PXDNL: variants seen among roughly 807,000 people sequenced by gnomAD.
PXDNL encodes probable oxidoreductase PXDNL.
A neutral mutation model predicts 150.8 loss-of-function variants in PXDNL; 145 were observed. The ratio of observed to expected loss-of-function variants is 0.96; its 90% CI spans 0.84 to 1.10. The LOEUF (loss-of-function observed/expected upper bound fraction) is 1.10. PXDNL is among the 50% of genes least tolerant of loss of function. The pLI, the probability that PXDNL is intolerant of heterozygous loss-of-function variation, is 0.00. For missense variants in PXDNL, 2,087 were observed against 1,873.9 expected (o/e 1.11, Z -2.10); for synonymous variants, 757 against 725.7 (o/e 1.04, Z -0.69).
intron 3 of PXDNL, among the ~76,000 whole-genome samples, chr8:51,568,942 CT>C (rs1416993644): frequency 1.3e-5 from 2 of 151,806 alleles, no homozygotes; most frequent in Admixed American, 1.3e-4. Context: ...CTAGAATTTC[CT>C]TTTCATTCTT....
intron 19 of PXDNL, among the ~76,000 whole-genome samples, chr8:51,369,335 G>A (rs994900846): frequency 7.9e-5 from 12 of 152,196 alleles, no homozygotes; most frequent in Non-Finnish European, 1.8e-4. Context: ...AGATCTGAAT[G>A]TTCCAGCAGG....
At chr8:51,688,912 C>T (rs1222864184) in intron 1 of PXDNL, among the ~76,000 whole-genome samples, 2 of 152,228 alleles carry the variant, frequency 1.3e-5, no homozygotes, top group Non-Finnish European at 2.9e-5. Flanking sequence ...CAGAAATCCT[C>T]GTAACCCACC....
chr8:51,467,530 T>C (rs900117092), intron 8 of PXDNL, among the ~76,000 whole-genome samples: 1 of 152,048 alleles, frequency 6.6e-6, no homozygotes, highest in African/African-American at 2.4e-5. Flanking sequence ...TGCTCACTTC[T>C]TGGGTAGTGG....
intron 1 of PXDNL, among the ~76,000 whole-genome samples, chr8:51,768,325 CAA>C (rs2037254339): frequency 1.3e-5 from 2 of 151,454 alleles, no homozygotes; most frequent in South Asian, 4.2e-4. Context: ...TCTGCCATTC[CAA>C]AAGTGTTTCC....
At chr8:51,643,440 G>A (rs919223780) in intron 2 of PXDNL, among the ~76,000 whole-genome samples, 2 of 152,136 alleles carry the variant, frequency 1.3e-5, no homozygotes, top group Non-Finnish European at 2.9e-5. Context: ...CAAGCAATGG[G>A]GAAATGATTC....
chr8:51,547,793 A>T (rs113123606), intron 4 of PXDNL, among the ~76,000 whole-genome samples: 33 of 152,354 alleles, frequency 2.2e-4, no homozygotes, highest in African/African-American at 7.7e-4. Context: ...GTTCTACAAC[A>T]TCCCCAAAAG....
chr8:51,565,953 A>G (rs1389628019), intron 3 of PXDNL, among the ~76,000 whole-genome samples: 1 of 151,582 alleles, frequency 6.6e-6, no homozygotes, highest in Admixed American at 6.6e-5. Flanking sequence ...TTTTTTTTGG[A>G]TCTTCTTTAT....
chr8:51,655,600 A>G (rs926768585), intron 1 of PXDNL, among the ~76,000 whole-genome samples: 5 of 152,192 alleles, frequency 3.3e-5, no homozygotes, highest in African/African-American at 1.2e-4. Flanking sequence ...TATGGTAAAG[A>G]CGTCAAGCAG....
chr8:51,531,335 T>C (rs950928089), intron 4 of PXDNL, among the ~76,000 whole-genome samples: 2 of 152,194 alleles, frequency 1.3e-5, no homozygotes, highest in Non-Finnish European at 2.9e-5. Flanking sequence ...GAGTCTTTGC[T>C]TGCTTGCTTG....
chr8:51,319,996 C>A lies in PXDNL; in HGVS notation c.4287G>T (p.Glu1429Asp). 1 of 1,563,274 alleles carries A rather than the reference C, an allele frequency of 6.4e-7. No individual in the cohort carries two copies. Among genetic ancestry groups the A allele is most frequent in the Non-Finnish European group, 8.7e-7 (1 of 1,155,610 alleles). ...CESGQVTCVVEICPPAPCPSP... is the reference protein window; with the variant it reads ...CESGQVTCVVDICPPAPCPSP... ...TGGGACAGGGAGCCGGGGGACAAAT[C>A]TCCACCACACAGGTGACCTGGCCAC... Residue 1429 changes from glutamate to aspartate, a missense_variant, in exon 23 of 23, where the codon GAG (glutamate) becomes GAT (aspartate). Transcript: ENST00000356297.
chr8:51,361,294 C>G (rs1032080194), intron 19 of PXDNL, among the ~76,000 whole-genome samples: 2 of 152,120 alleles, frequency 1.3e-5, no homozygotes, highest in Admixed American at 6.5e-5. Context: ...CCCAGTCAGA[C>G]AGAAACTGAT....
At chr8:51,801,538 G>A (rs1392470497) in intron 1 of PXDNL, among the ~76,000 whole-genome samples, 2 of 152,212 alleles carry the variant, frequency 1.3e-5, no homozygotes, top group South Asian at 2.1e-4. Flanking sequence ...CTACTGATAT[G>A]TGATGTCACC....
At chr8:51,464,680 G>A (rs1452123545) in intron 8 of PXDNL, among the ~76,000 whole-genome samples, 3 of 152,014 alleles carry the variant, frequency 2.0e-5, no homozygotes, top group African/African-American at 7.3e-5. Flanking sequence ...CTGATACATG[G>A]GCACAGGGAG....
At chr8:51,525,791 G>C (rs1054732967) in intron 4 of PXDNL, among the ~76,000 whole-genome samples, 2 of 152,160 alleles carry the variant, frequency 1.3e-5, no homozygotes, top group Non-Finnish European at 1.5e-5. Context: ...ATGGCAAGCA[G>C]ACAGCAGGAC....
chr8:51,608,042 A>AAGC (rs1813890901), intron 2 of PXDNL, among the ~76,000 whole-genome samples: 2 of 133,076 alleles, frequency 1.5e-5, no homozygotes, highest in South Asian at 2.4e-4. Context: ...AGAAAGAAAG[A>AAGC]AAGAAAGAAA....
chr8:51,683,164 CATAT>C (rs71237228), intron 1 of PXDNL, among the ~76,000 whole-genome samples: 4,354 of 44,396 alleles, frequency 0.098, 233 homozygotes, highest in African/African-American at 0.16. Context: ...AATTGTCTTT[CATAT>C]ATATATATAT....
Position 51,472,301 on chromosome 8 carries a change from C to T in PXDNL, c.698G>A (p.Ser233Asn). The T allele has an allele frequency of 6.2e-7, 1 of 1,607,908 alleles. No homozygotes were observed. The highest frequency in any genetic ancestry group is 1.3e-5 in the African/African-American group (1 of 74,792). ...SVTVEEFNCQSPRITFEPQDV... is the reference protein window; with the variant it reads ...SVTVEEFNCQNPRITFEPQDV... ...CTGCGGCTCAAAAGTAATTCGGGGGCTCTCTGCAACAAAAGAATTATTGAT... is the reference window on the plus strand; with the variant it reads ...CTGCGGCTCAAAAGTAATTCGGGGGTTCTCTGCAACAAAAGAATTATTGAT... Residue 233 changes from serine (S) to asparagine (N), a missense_variant, in exon 8 of 23, where the codon AGC becomes AAC. Physicochemically the swap from Ser to Asn is conservative, Grantham distance 46 (BLOSUM62 1). Transcript: ENST00000356297.
At chr8:51,446,855 GGAA>G (rs1809687993) in intron 12 of PXDNL, 146 bp downstream of exon 12, 2 of 473,650 alleles carry the variant, frequency 4.2e-6, no homozygotes, top group East Asian at 6.8e-5. Context: ...AAGACTGATT[GGAA>G]GAAGATATCA....
At chr8:51,401,896 G>C (rs927048787) in intron 17 of PXDNL, among the ~76,000 whole-genome samples, 1 of 152,190 alleles carries the variant, frequency 6.6e-6, no homozygotes. Context: ...GAAAGGTGAC[G>C]GGGTGGTGTC....
Sources: allele counts gnomAD v4.1 joint callset (sites outside exome capture counted in the v4.1 genomes callset), GRCh38; gene constraint gnomAD v4.1.1; transcripts MANE v1.5; gene names NCBI Gene and HGNC (gene_info 2026-07-23, HGNC 2026-07-21).